Variants in MEGF11 observed in about 807,000 individuals in gnomAD.
The protein encoded by MEGF11 is multiple EGF like domains 11.
A neutral mutation model predicts 146.6 loss-of-function variants in MEGF11; 126 were observed. The observed-to-expected ratio is 0.86, with a 90% confidence interval of 0.74 to 1.00. The LOEUF (loss-of-function observed/expected upper bound fraction) is 1.00, where lower values mean the gene tolerates loss of function less well. Among genes scored for constraint, MEGF11 ranks in the 50% least tolerant of loss-of-function variants. The probability of loss-of-function intolerance (pLI) is 0.00; values close to 1 mark genes in which losing one functional copy is unlikely to be tolerated. For missense variants in MEGF11, 1,509 were observed against 1,521.2 expected, an observed-to-expected ratio of 0.99 and a Z score of 0.13; for synonymous variants, 532 against 583.4, an observed-to-expected ratio of 0.91 and a Z score of 1.27.
At chr15:66,170,820 G>T (rs1345503881) in intron 1 of MEGF11, among the ~76,000 whole-genome samples, 2 of 151,934 alleles carry the variant, frequency 1.3e-5, no homozygotes, top group Non-Finnish European at 2.9e-5. Context: ...TGCAGCCCCT[G>T]TCCAGGAGGT....
intron 5 of MEGF11, among the ~76,000 whole-genome samples, chr15:66,093,350 A>G (rs959842661): frequency 6.6e-6 from 1 of 152,238 alleles, no homozygotes; most frequent in African/African-American, 2.4e-5. Flanking sequence ...AGAGGGGAAA[A>G]GGACAATAGC....
In MEGF11 at chr15:66,146,344, G is replaced by A. The variant is rs561037574; in HGVS notation, c.-8-17933C>T. The stretch of plus-strand genomic sequence containing the variant: ...CCGGCTGCAAGGGACTCTCTCTCCC[G>A]AGACCTCACAGGAAGAGTCTACATT... On this transcript the variant is annotated intron_variant, in intron 1 of 25. Coordinates refer to ENST00000395614, the MANE Select transcript of MEGF11 (RefSeq NM_001385028.1). Among the ~76,000 whole-genome samples the A allele has an allele frequency of 9.2e-5, 14 of 152,186 alleles. No individual in the cohort carries two copies. In the South Asian group the frequency reaches 2.9e-3, roughly 32 times the overall value.
At position 66,022,113 on chromosome 15, in the gene MEGF11, C is replaced by T. The variant is rs116457912; in HGVS notation, c.395-39625G>A. Among the ~76,000 whole-genome samples, 1,132 of 152,278 alleles carry T rather than the reference C, an allele frequency of 7.4e-3. 12 individuals are homozygous for T. The highest frequency in any genetic ancestry group is 0.026 in the African/African-American group (1,073 of 41,546). On this transcript the variant is annotated intron_variant, in intron 5 of 25. Transcript: ENST00000395614. ...AATAAGGATATAAAGACCCATGCAGCGAGAACAGAGGGCCACCCTGGCCCT... is the reference window on the plus strand; with the variant it reads ...AATAAGGATATAAAGACCCATGCAGTGAGAACAGAGGGCCACCCTGGCCCT...
intron 5 of MEGF11, among the ~76,000 whole-genome samples, chr15:66,030,534 G>C (rs150859794): frequency 1.3e-5 from 2 of 151,956 alleles, no homozygotes; most frequent in Non-Finnish European, 2.9e-5. Flanking sequence ...CTCAGCCTCC[G>C]GAGTAGCTGG....
chr15:66,187,083 A>G (rs1330637333), intron 1 of MEGF11, among the ~76,000 whole-genome samples: 2 of 152,230 alleles, frequency 1.3e-5, no homozygotes, highest in Non-Finnish European at 2.9e-5. Flanking sequence ...ACTAAGATGA[A>G]ATATATGAGA....
chr15:65,948,255 C>T (rs2080269481), intron 10 of MEGF11, among the ~76,000 whole-genome samples: 4 of 151,914 alleles, frequency 2.6e-5, no homozygotes, highest in South Asian at 4.1e-4. Context: ...TATTCCATCC[C>T]AGCTCTGTTA....
At chr15:66,001,137 A>G (rs911580685) in intron 5 of MEGF11, among the ~76,000 whole-genome samples, 3 of 152,114 alleles carry the variant, frequency 2.0e-5, no homozygotes, top group East Asian at 1.9e-4. Context: ...GATTGGGAGC[A>G]GCCGCCAGCA....
chr15:66,221,274 G>C (rs188578064), intron 1 of MEGF11, among the ~76,000 whole-genome samples: 1 of 152,012 alleles, frequency 6.6e-6, no homozygotes, highest in Admixed American at 6.6e-5. Flanking sequence ...CTGGGTCACG[G>C]GCTCGCAGCC....
intron 13 of MEGF11, among the ~76,000 whole-genome samples, chr15:65,924,268 C>A (rs1247447913): frequency 6.6e-6 from 1 of 151,270 alleles, no homozygotes; most frequent in Non-Finnish European, 1.5e-5. Flanking sequence ...CAGTCTAGCC[C>A]AGCATCTGTG....
At chr15:66,145,219 T>C (rs1349954205) in intron 1 of MEGF11, among the ~76,000 whole-genome samples, 1 of 152,122 alleles carries the variant, frequency 6.6e-6, no homozygotes, top group Non-Finnish European at 1.5e-5. Context: ...TCCCTCTCCC[T>C]CTTCTAATGA....
At chr15:65,904,956 G>T (rs1466026587) in intron 24 of MEGF11, among the ~76,000 whole-genome samples, 1 of 152,172 alleles carries the variant, frequency 6.6e-6, no homozygotes, top group Non-Finnish European at 1.5e-5. Flanking sequence ...GCAGTGGCAC[G>T]ATCTGGGTTC....
At chr15:66,166,390 C>T (rs1021533838) in intron 1 of MEGF11, among the ~76,000 whole-genome samples, 1 of 152,168 alleles carries the variant, frequency 6.6e-6, no homozygotes, top group African/African-American at 2.4e-5. Flanking sequence ...CAGCATCTGT[C>T]ACCCCAGGAG....
Position 66,220,045 on chromosome 15 carries a change from A to G in MEGF11, c.-9+33560T>C, listed in dbSNP as rs561812330. 3.3e-5 allele frequency among the ~76,000 whole-genome samples: 5 copies of G among 152,284 alleles called. No individual in the cohort carries two copies. The South Asian group carries it at 1.0e-3, about 32-fold the overall frequency. On this transcript the variant is annotated intron_variant, in intron 1 of 25. Coordinates refer to ENST00000395614, the MANE Select transcript of MEGF11 (RefSeq NM_001385028.1). ...TGGATTAGGGTGGGCCCTAAATCCAATGACTGGTGTCCTTATGAGAAGGCC... is the reference window on the plus strand; with the variant it reads ...TGGATTAGGGTGGGCCCTAAATCCAGTGACTGGTGTCCTTATGAGAAGGCC...
chr15:65,934,774 A>G (rs1290932316), intron 10 of MEGF11, among the ~76,000 whole-genome samples: 1 of 152,214 alleles, frequency 6.6e-6, no homozygotes, highest in Non-Finnish European at 1.5e-5. Context: ...CCCAAAGGAC[A>G]GGGTTTGGAA....
intron 1 of MEGF11, among the ~76,000 whole-genome samples, chr15:66,172,406 C>T (rs2090284321): frequency 7.4e-6 from 1 of 134,254 alleles, no homozygotes; most frequent in South Asian, 2.2e-4. Context: ...GTGTGGACAG[C>T]ATCAACCGGC....
chr15:65,990,412 G>A (rs1055530854), intron 5 of MEGF11, among the ~76,000 whole-genome samples: 6 of 151,814 alleles, frequency 4.0e-5, no homozygotes, highest in African/African-American at 1.5e-4. Context: ...TTAGCTTGGT[G>A]TGGCGGCATG....
intron 1 of MEGF11, among the ~76,000 whole-genome samples, chr15:66,203,334 T>C (rs2091217766): frequency 6.6e-6 from 1 of 152,186 alleles, no homozygotes; most frequent in Admixed American, 6.5e-5. Context: ...AAGGGAAAAG[T>C]CACTTTGAAT....
At chr15:65,960,149 C>T (rs1034040837) in intron 9 of MEGF11, among the ~76,000 whole-genome samples, 6 of 152,102 alleles carry the variant, frequency 3.9e-5, no homozygotes, top group Admixed American at 3.3e-4. Context: ...AATATGAAAA[C>T]GATATAGACA....
rs542279011 is a variant in MEGF11 at position 65,987,356 on chromosome 15, T to C, written c.395-4868A>G. 1.3e-4 allele frequency among the ~76,000 whole-genome samples: 20 copies of C among 152,316 alleles called. No individual in the cohort carries two copies. In the East Asian group the frequency reaches 3.9e-3, roughly 29 times the overall value. The stretch of plus-strand genomic sequence containing the variant: ...ATAAAGAGGTGAGAGCAGAGACTGA[T>C]TTTCCACAAGTGCCTTATTCAGGGA... On this transcript the variant is annotated intron_variant, in intron 5 of 25. Coordinates refer to ENST00000395614, the MANE Select transcript of MEGF11 (RefSeq NM_001385028.1).
Sources: allele counts gnomAD v4.1 joint callset (sites outside exome capture counted in the v4.1 genomes callset), GRCh38; gene constraint gnomAD v4.1.1; transcripts MANE v1.5; gene names NCBI Gene and HGNC (gene_info 2026-07-23, HGNC 2026-07-21).